Variants in ZNF385D observed in about 807,000 individuals in gnomAD.
The protein encoded by ZNF385D is zinc finger protein 659.
ZNF385D carries 15 observed loss-of-function variants against 35.8 expected under a neutral mutation model. The ratio of observed to expected loss-of-function variants is 0.42; its 90% CI spans 0.28 to 0.64. ZNF385D has a LOEUF of 0.64. ZNF385D is among the 30% of genes least tolerant of loss of function. The probability of loss-of-function intolerance (pLI) is 0.23; values close to 1 mark genes in which losing one functional copy is unlikely to be tolerated. For synonymous variants in ZNF385D, 212 were observed against 186.8 expected (o/e 1.13, Z -1.10); for missense variants, 474 against 494.6 (o/e 0.96, Z 0.39).
chr3:22,264,735 G>C (rs1250975383), intron 2 of ZNF385D, among the ~76,000 whole-genome samples: 1 of 151,962 alleles, frequency 6.6e-6, no homozygotes, highest in Non-Finnish European at 1.5e-5. Flanking sequence ...ATGAATACTT[G>C]TTGCATGATC....
intron 3 of ZNF385D, among the ~76,000 whole-genome samples, chr3:21,929,128 T>A (rs1433906260): frequency 1.3e-5 from 2 of 152,116 alleles, no homozygotes; most frequent in Non-Finnish European, 2.9e-5. Context: ...TTATATATCA[T>A]AGCCAAATTG....
intron 2 of ZNF385D, among the ~76,000 whole-genome samples, chr3:22,325,043 A>G (rs1694614188): frequency 6.6e-6 from 1 of 152,224 alleles, no homozygotes; most frequent in Non-Finnish European, 1.5e-5. Flanking sequence ...TGCTCTGATA[A>G]TTAAATAATG....
chr3:22,083,285 C>T (rs914348387), intron 3 of ZNF385D, among the ~76,000 whole-genome samples: 7 of 148,264 alleles, frequency 4.7e-5, no homozygotes, highest in Admixed American at 3.4e-4. Context: ...CAAACTTCTC[C>T]GAGCTAAAGG....
chr3:21,824,729 C>T (rs566915149), intron 3 of ZNF385D, among the ~76,000 whole-genome samples: 1 of 151,714 alleles, frequency 6.6e-6, no homozygotes, highest in Admixed American at 6.6e-5. Context: ...ACTGGAGTTC[C>T]AGTATGAAAA....
intron 2 of ZNF385D, among the ~76,000 whole-genome samples, chr3:22,219,838 T>G (rs1698144573): frequency 1.3e-5 from 2 of 152,132 alleles, no homozygotes. Flanking sequence ...GGTGAAGAAT[T>G]TTCCGGTTTC....
At position 21,751,122 on chromosome 3, in the gene ZNF385D, T is replaced by C; in HGVS notation, c.-206A>G. Reference sequence around the variant, plus strand: ...GCTAAGATCCCCGGCGGCTGGAGAGTGCGCTCGGGCTGCCTGCTGCACTGC... The same window carrying C: ...GCTAAGATCCCCGGCGGCTGGAGAGCGCGCTCGGGCTGCCTGCTGCACTGC... On this transcript the variant is annotated 5_prime_UTR_variant, in exon 1 of 8. Transcript: ENST00000281523. The C allele has an allele frequency of 1.4e-6, 2 of 1,464,314 alleles. No individual in the cohort carries two copies. The highest frequency in any genetic ancestry group is 1.8e-6 in the Non-Finnish European group (2 of 1,108,870). The allele number at this position is 1,464,314 out of a possible 1,614,324, so 90.7% of individuals were successfully genotyped here. A position where few individuals can be genotyped will look rare whatever the true frequency, so the allele number is the denominator to read the frequency against.
At chr3:21,902,094 A>G (rs1417072570) in intron 3 of ZNF385D, among the ~76,000 whole-genome samples, 3 of 152,170 alleles carry the variant, frequency 2.0e-5, no homozygotes, top group Non-Finnish European at 2.9e-5. Context: ...AGAGAATTAG[A>G]TTAAAAGTTT....
At chr3:21,781,692 G>GT (rs1424803409) in intron 3 of ZNF385D, among the ~76,000 whole-genome samples, 1 of 151,822 alleles carries the variant, frequency 6.6e-6, no homozygotes, top group Non-Finnish European at 1.5e-5. Context: ...AAACAAACAC[G>GT]TAAGTCTTGT....
At position 22,036,009 on chromosome 3, in the gene ZNF385D, T is replaced by C. The variant is rs185520099; in HGVS notation, c.325+132808A>G. 2.7e-3 allele frequency among the ~76,000 whole-genome samples: 408 copies of C among 152,244 alleles called. 3 individuals carry two copies. The highest frequency in any genetic ancestry group is 9.0e-3 in the African/African-American group (374 of 41,540). On this transcript the variant is annotated intron_variant, in intron 3 of 5. Coordinates refer to the ZNF385D transcript ENST00000494108. ...AAATGAAGAGTCAAAATAAGACTTATGTGTTTTTCTGAGCCTTGACACCTT... is the reference window on the plus strand; with the variant it reads ...AAATGAAGAGTCAAAATAAGACTTACGTGTTTTTCTGAGCCTTGACACCTT...
intron 1 of ZNF385D, among the ~76,000 whole-genome samples, chr3:21,732,057 TTTTTTTTTTTTTG>T (rs2069038304): frequency 1.1e-5 from 1 of 88,672 alleles, no homozygotes; most frequent in African/African-American, 4.3e-5. Context: ...TTTTTTTTTT[TTTTTTTTTTTTTG>T]AGAACGGAGT....
chr3:22,351,837 A>G (rs1695929272), intron 2 of ZNF385D, among the ~76,000 whole-genome samples: 1 of 152,190 alleles, frequency 6.6e-6, no homozygotes, highest in Non-Finnish European at 1.5e-5. Context: ...AGGCAATTCA[A>G]AAATCAGGTT....
chr3:21,746,742 A>T (rs1271482635), intron 1 of ZNF385D, among the ~76,000 whole-genome samples: 1 of 152,206 alleles, frequency 6.6e-6, no homozygotes, highest in African/African-American at 2.4e-5. Context: ...CACTCAGTAC[A>T]AACTAATTAG....
At chr3:22,161,398 T>A (rs192296567) in intron 3 of ZNF385D, among the ~76,000 whole-genome samples, 5 of 152,194 alleles carry the variant, frequency 3.3e-5, no homozygotes, top group Admixed American at 3.3e-4. Flanking sequence ...AACCATTTTA[T>A]AACAGCAGAA....
At chr3:21,832,549 C>A (rs540287762) in intron 3 of ZNF385D, among the ~76,000 whole-genome samples, 1 of 152,174 alleles carries the variant, frequency 6.6e-6, no homozygotes, top group Non-Finnish European at 1.5e-5. Context: ...TTTCTAGGAA[C>A]ATCTCCCAAA....
intron 2 of ZNF385D, among the ~76,000 whole-genome samples, chr3:22,336,908 T>TAAAAAAAA (rs1559527421): frequency 1.9e-3 from 2 of 1,050 alleles, no homozygotes; most frequent in Admixed American, 0.015. Context: ...CAGTGATTTT[T>TAAAAAAAA]CAAAAAAAAA....
chr3:22,177,144 A>G (rs1694888265), intron 2 of ZNF385D, among the ~76,000 whole-genome samples: 1 of 152,272 alleles, frequency 6.6e-6, no homozygotes, highest in East Asian at 1.9e-4. Context: ...CGTGTCTGCC[A>G]TCACACCAGG....
At chr3:21,875,970 G>A (rs773688442) in intron 3 of ZNF385D, among the ~76,000 whole-genome samples, 7 of 152,094 alleles carry the variant, frequency 4.6e-5, no homozygotes, top group Admixed American at 6.6e-5. Context: ...CACATGTGGA[G>A]ATTTAAAAAC....
chr3:21,675,301 T>C (rs554490681), intron 1 of ZNF385D, among the ~76,000 whole-genome samples: 70 of 151,850 alleles, frequency 4.6e-4, no homozygotes, highest in South Asian at 1.0e-3. Flanking sequence ...TAGGTGTAAA[T>C]TTATGCTATC....
chr3:22,061,659 A>G (rs1327085942), intron 3 of ZNF385D, among the ~76,000 whole-genome samples: 2 of 152,110 alleles, frequency 1.3e-5, no homozygotes, highest in Non-Finnish European at 2.9e-5. Context: ...ATGAGTGTCG[A>G]TTCTAGAATA....
Sources: gnomAD v4.1 joint callset for allele counts (sites outside exome capture counted in the v4.1 genomes callset) on GRCh38, gnomAD v4.1.1 for gene constraint, MANE v1.5 for transcripts, NCBI Gene and HGNC (gene_info 2026-07-23, HGNC 2026-07-21) for gene names.